Variants in MAPRE2 observed in about 807,000 individuals in gnomAD.
MAPRE2 encodes the protein microtubule associated protein RP/EB family member 2, also known as microtubule-associated protein RP/EB family member 2.
MAPRE2 carries 13 observed loss-of-function variants against 43.2 expected under a neutral mutation model. The ratio of observed to expected loss-of-function variants is 0.30; its 90% CI spans 0.20 to 0.48. The LOEUF (loss-of-function observed/expected upper bound fraction) is 0.48, where lower values mean the gene tolerates loss of function less well. Among genes scored for constraint, MAPRE2 ranks in the 20% least tolerant of loss-of-function variants. MAPRE2 has a pLI of 0.99. For missense variants in MAPRE2, 161 were observed against 400.2 expected (o/e 0.40, Z 5.10); for synonymous variants, 135 against 148.8 (o/e 0.91, Z 0.68).
chr18:35,118,104 A>G (rs1475154882), intron 4 of MAPRE2, among the ~76,000 whole-genome samples: 1 of 152,142 alleles, frequency 6.6e-6, no homozygotes, highest in African/African-American at 2.4e-5. Flanking sequence ...CTCACTGGAC[A>G]TGCTCAGGAG....
At chr18:35,034,114 A>G (rs2097049245) in intron 2 of MAPRE2, among the ~76,000 whole-genome samples, 2 of 152,162 alleles carry the variant, frequency 1.3e-5, no homozygotes, top group South Asian at 4.1e-4. Context: ...TTCAAACTAT[A>G]CTACAAGGCT....
chr18:35,136,430 A>T (rs1313814548), intron 6 of MAPRE2, among the ~76,000 whole-genome samples: 1 of 152,214 alleles, frequency 6.6e-6, no homozygotes, highest in Non-Finnish European at 1.5e-5. Context: ...ACAGACAGGG[A>T]CATGACTAAC....
At chr18:35,116,108 T>A (rs1909398241) in intron 4 of MAPRE2, among the ~76,000 whole-genome samples, 1 of 152,216 alleles carries the variant, frequency 6.6e-6, no homozygotes, top group Non-Finnish European at 1.5e-5. Flanking sequence ...GCGAGTTCCT[T>A]CAGCATATAT....
rs760979132 is a variant in MAPRE2 at position 35,140,396 on chromosome 18, C to T, written c.*27C>T. 1.3e-6 allele frequency: 2 copies of T among 1,586,178 alleles called. No homozygotes were observed. Among genetic ancestry groups the T allele is most frequent in the African/African-American group, 2.7e-5 (2 of 74,136 alleles). ...CCACCCCGGCTGCTCTTGACACTTC[C>T]ATTGTGTGTGGGAACGTTTCTTCTG... On this transcript the variant is annotated 3_prime_UTR_variant, in exon 7 of 7. Coordinates refer to ENST00000300249, the MANE Select transcript of MAPRE2 (RefSeq NM_014268.4).
chr18:35,114,673 C>A (rs1324389802), intron 4 of MAPRE2, among the ~76,000 whole-genome samples: 2 of 152,188 alleles, frequency 1.3e-5, no homozygotes, highest in African/African-American at 4.8e-5. Context: ...CACTCAGAGT[C>A]TGTTCCTTCA....
At chr18:35,103,856 G>C (rs1450416027) in intron 4 of MAPRE2, among the ~76,000 whole-genome samples, 1 of 152,158 alleles carries the variant, frequency 6.6e-6, no homozygotes, top group Admixed American at 6.6e-5. Context: ...TTCTCAACTT[G>C]AATGATTTCT....
intron 1 of MAPRE2, among the ~76,000 whole-genome samples, chr18:34,990,224 A>G (rs766353499): frequency 1.3e-5 from 2 of 152,148 alleles, no homozygotes; most frequent in Non-Finnish European, 2.9e-5. Flanking sequence ...TATAAAAAAC[A>G]TGCTTGGTGG....
intron 6 of MAPRE2, among the ~76,000 whole-genome samples, chr18:35,133,593 GC>G (rs774513493): frequency 2.4e-4 from 36 of 152,188 alleles, no homozygotes; most frequent in Non-Finnish European, 4.1e-4. Context: ...GCTGCTGTCT[GC>G]GATAACGCCT....
chr18:35,137,758 C>T (rs1054781162), intron 6 of MAPRE2, among the ~76,000 whole-genome samples: 1 of 152,030 alleles, frequency 6.6e-6, no homozygotes, highest in Non-Finnish European at 1.5e-5. Context: ...ACACGCGGGA[C>T]TGTGGTGCGC....
At chr18:35,107,801 G>A (rs1908978355) in intron 4 of MAPRE2, among the ~76,000 whole-genome samples, 1 of 152,044 alleles carries the variant, frequency 6.6e-6, no homozygotes, top group Admixed American at 6.6e-5. Context: ...AAACAGATCT[G>A]TATTTTATGG....
chr18:35,024,477 T>C (rs187344318), intron 2 of MAPRE2, among the ~76,000 whole-genome samples: 43 of 152,150 alleles, frequency 2.8e-4, no homozygotes, highest in Non-Finnish European at 5.2e-4. Flanking sequence ...ACAAAGCATT[T>C]TATGCAAATG....
At chr18:35,119,364 A>G (rs1331224938) in intron 4 of MAPRE2, among the ~76,000 whole-genome samples, 1 of 151,922 alleles carries the variant, frequency 6.6e-6, no homozygotes, top group Non-Finnish European at 1.5e-5. Flanking sequence ...TGTCTACCCA[A>G]CCCTGCTCTG....
In MAPRE2 at chr18:35,009,646, TC is replaced by T. The variant is rs541681888; in HGVS notation, c.-8+4097del. On this transcript the variant is annotated intron_variant, in intron 2 of 7. Transcript: ENST00000413393. ...AATTAAAGTTGGCCTGCATTGACAG[TC>T]CCCTAAATGAGTACATTTACTGAGA... Among the ~76,000 whole-genome samples the T allele has an allele frequency of 3.3e-5, 5 of 152,258 alleles. No individual in the cohort carries two copies. In the East Asian group the frequency reaches 9.7e-4, roughly 29 times the overall value.
At chr18:35,018,765 G>C (rs2097040091) in intron 2 of MAPRE2, among the ~76,000 whole-genome samples, 1 of 151,740 alleles carries the variant, frequency 6.6e-6, no homozygotes, top group Admixed American at 6.6e-5. Flanking sequence ...TCTTTTCAAA[G>C]AATCACCTTT....
intron 2 of MAPRE2, among the ~76,000 whole-genome samples, chr18:35,072,015 G>C (rs1444586702): frequency 6.6e-6 from 1 of 152,142 alleles, no homozygotes; most frequent in Non-Finnish European, 1.5e-5. Flanking sequence ...GATGTACCAG[G>C]CATGTATATT....
At chr18:34,983,171 T>C (rs145311321) in intron 1 of MAPRE2, among the ~76,000 whole-genome samples, 1 of 152,332 alleles carries the variant, frequency 6.6e-6, no homozygotes, top group Non-Finnish European at 1.5e-5. Flanking sequence ...TTGTTTCCCT[T>C]AGAAAAGGTT....
At chr18:35,079,830 A>C (rs1175689349) in intron 2 of MAPRE2, among the ~76,000 whole-genome samples, 1 of 152,272 alleles carries the variant, frequency 6.6e-6, no homozygotes, top group Non-Finnish European at 1.5e-5. Context: ...ATGAGAAGTT[A>C]TTCAAGTATA....
At chr18:35,112,088 T>A (rs1471554560) in intron 4 of MAPRE2, among the ~76,000 whole-genome samples, 1 of 152,204 alleles carries the variant, frequency 6.6e-6, no homozygotes, top group Admixed American at 6.5e-5. Context: ...GCATTTTTCT[T>A]ACTAGCCCCA....
At chr18:34,979,198 T>G (rs2097014806) in intron 1 of MAPRE2, among the ~76,000 whole-genome samples, 1 of 152,104 alleles carries the variant, frequency 6.6e-6, no homozygotes, top group Non-Finnish European at 1.5e-5. Flanking sequence ...AGGGTCTGAT[T>G]GGAAAAATCG....
Sources: allele counts gnomAD v4.1 joint callset (sites outside exome capture counted in the v4.1 genomes callset), GRCh38; gene constraint gnomAD v4.1.1; transcripts MANE v1.5; gene names NCBI Gene and HGNC (gene_info 2026-07-23, HGNC 2026-07-21).